HTR4: variants seen among roughly 807,000 people sequenced by gnomAD.
HTR4 encodes the protein 5-hydroxytryptamine receptor 4, also known as 5-hydroxytryptamine (serotonin) receptor 4, G protein-coupled.
Under a neutral mutation model 36.8 loss-of-function variants are expected in HTR4, and 16 were observed. The ratio of observed to expected loss-of-function variants is 0.43; its 90% CI spans 0.29 to 0.66. The LOEUF (loss-of-function observed/expected upper bound fraction) is 0.66. Among genes scored for constraint, HTR4 ranks in the 30% least tolerant of loss-of-function variants. The pLI is 0.13. For missense variants in HTR4, 438 were observed against 490.9 expected, an observed-to-expected ratio of 0.89 and a Z score of 1.02; for synonymous variants, 189 against 185.1, an observed-to-expected ratio of 1.02 and a Z score of -0.17.
chr5:148,601,974 G>T (rs1762012792), intron 2 of HTR4, among the ~76,000 whole-genome samples: 2 of 152,064 alleles, frequency 1.3e-5, no homozygotes, highest in South Asian at 4.1e-4. Flanking sequence ...TCAGAAGCTG[G>T]GGGTTGGAAA....
rs1759941570 is a variant in HTR4, at chr5:148,556,143, C to T, written c.27-5881G>A. On this transcript the variant is annotated intron_variant, in intron 2 of 6. Transcript: ENST00000377888. The stretch of plus-strand genomic sequence containing the variant: ...GGTTCAAGTGATTCTCCTGCCTCAG[C>T]CTCCCAAGTAGCTGGGATTACAGGC... 2.0e-5 allele frequency among the ~76,000 whole-genome samples: 3 copies of T among 152,212 alleles called. 1 individual carries two copies. In the South Asian group the frequency reaches 6.2e-4, roughly 32 times the overall value.
chr5:148,597,621 T>C (rs140057825), intron 2 of HTR4, among the ~76,000 whole-genome samples: 1 of 152,314 alleles, frequency 6.6e-6, no homozygotes, highest in Non-Finnish European at 1.5e-5. Flanking sequence ...TTTGCACTGC[T>C]CTTTTCACTG....
intron 5 of HTR4, among the ~76,000 whole-genome samples, chr5:148,457,744 A>ATCATTAAAATATATTTTGGTATG (rs1561558356): frequency 1.4e-4 from 20 of 144,468 alleles, no homozygotes; most frequent in African/African-American, 5.1e-4. Context: ...ATTTTGGTAT[A>ATCATTAAAATATATTTTGGTATG]TCATTAAAAT....
At chr5:148,592,181 A>G (rs1357739770) in intron 2 of HTR4, among the ~76,000 whole-genome samples, 1 of 152,156 alleles carries the variant, frequency 6.6e-6, no homozygotes, top group Non-Finnish European at 1.5e-5. Flanking sequence ...GAGCTAAATG[A>G]TAACTACTTA....
At chr5:148,455,763 A>G (rs1216426265) in intron 5 of HTR4, among the ~76,000 whole-genome samples, 1 of 152,222 alleles carries the variant, frequency 6.6e-6, no homozygotes, top group East Asian at 1.9e-4. Flanking sequence ...TACTGATAAC[A>G]TAGTCAGTTA....
intron 2 of HTR4, among the ~76,000 whole-genome samples, chr5:148,628,206 A>C (rs1204355827): frequency 6.6e-6 from 1 of 152,274 alleles, no homozygotes; most frequent in Non-Finnish European, 1.5e-5. Context: ...AGAAATCTTT[A>C]GAAAAGCAAA....
intron 2 of HTR4, among the ~76,000 whole-genome samples, chr5:148,584,824 CT>C (rs1194813436): frequency 1.3e-5 from 2 of 152,272 alleles, no homozygotes; most frequent in East Asian, 3.9e-4. Context: ...CACATCTTCC[CT>C]TTTCTTCTCT....
At chr5:148,484,210 C>T (rs1414036779) in intron 6 of HTR4, 1 of 1,564,630 alleles carries the variant, frequency 6.4e-7, no homozygotes, top group Non-Finnish European at 8.7e-7. Flanking sequence ...TTTAGTTTTT[C>T]AGGCAAGGTA....
At chr5:148,604,401 A>C (rs1752057182) in intron 2 of HTR4, among the ~76,000 whole-genome samples, 2 of 152,202 alleles carry the variant, frequency 1.3e-5, no homozygotes, top group Non-Finnish European at 2.9e-5. Flanking sequence ...ATTTGCCAGG[A>C]TGGGGAGAAT....
intron 2 of HTR4, among the ~76,000 whole-genome samples, chr5:148,635,925 T>A (rs1753518452): frequency 1.3e-5 from 2 of 152,200 alleles, no homozygotes; most frequent in Admixed American, 6.6e-5. Context: ...GTGTAAAATG[T>A]TTTATTGCTA....
chr5:148,595,707 T>C (rs1270417737), intron 2 of HTR4, among the ~76,000 whole-genome samples: 1 of 152,208 alleles, frequency 6.6e-6, no homozygotes, highest in Non-Finnish European at 1.5e-5. Flanking sequence ...TTGTATTGAT[T>C]CCAAATATAA....
intron 4 of HTR4, among the ~76,000 whole-genome samples, chr5:148,547,691 G>C (rs565483921): frequency 6.6e-6 from 1 of 151,894 alleles, no homozygotes; most frequent in Non-Finnish European, 1.5e-5. Context: ...ACAGTAGCTC[G>C]AGACCAGCCT....
At chr5:148,558,794 T>C (rs1561618972) in intron 2 of HTR4, among the ~76,000 whole-genome samples, 1 of 152,174 alleles carries the variant, frequency 6.6e-6, no homozygotes, top group Non-Finnish European at 1.5e-5. Context: ...CTCTCCCTAT[T>C]GCCATAGCCT....
chr5:148,509,393 G>A (rs911179234), intron 6 of HTR4, 63 bp downstream of exon 6: 7 of 1,245,528 alleles, frequency 5.6e-6, no homozygotes, highest in Middle Eastern at 2.0e-4. Context: ...CAGAAAACTG[G>A]AGCATTACCC....
At position 148,550,227 on chromosome 5, in the gene HTR4, A is replaced by G. The variant is rs1411665431; in HGVS notation, c.62T>C (p.Val21Ala). 1 of 1,614,014 alleles carries G rather than the reference A, an allele frequency of 6.2e-7. No homozygotes were observed. Among genetic ancestry groups the G allele is most frequent in the Non-Finnish European group, 8.5e-7 (1 of 1,180,022 alleles). The part of the protein sequence containing the change: ...EEGFGSVEKV[V>A]LLTFLSTVIL... ...AACCGTCGAGAGAAACGTGAGCAGC[A>G]CCACCTTCTCCACTGACCCGAAACC... is the stretch of plus-strand genomic sequence containing the variant. Residue 21 changes from valine (V) to alanine (A), a missense_variant, in exon 3 of 7, where the codon GTG becomes GCG. Val to Ala is a moderately conservative substitution (Grantham distance 64). Transcript: ENST00000377888.
chr5:148,569,362 C>T (rs918927690), intron 2 of HTR4, among the ~76,000 whole-genome samples: 18 of 151,716 alleles, frequency 1.2e-4, no homozygotes, highest in African/African-American at 2.9e-4. Flanking sequence ...GTTTGGGGGA[C>T]GGGGAGAAGG....
At chr5:148,583,801 C>A (rs1018835691) in intron 2 of HTR4, among the ~76,000 whole-genome samples, 1 of 152,080 alleles carries the variant, frequency 6.6e-6, no homozygotes, top group Admixed American at 6.5e-5. Context: ...CCCTGGGAAG[C>A]TGCCTGGTCA....
At chr5:148,646,736 C>T (rs13163982) in intron 1 of HTR4, among the ~76,000 whole-genome samples, 30,168 of 152,082 alleles carry the variant, frequency 0.2, 3,508 homozygotes, top group East Asian at 0.4. Flanking sequence ...GACCAAGAAC[C>T]TAACCCTTCA....
At chr5:148,621,277 A>G (rs1399106261) in intron 2 of HTR4, among the ~76,000 whole-genome samples, 1 of 152,220 alleles carries the variant, frequency 6.6e-6, no homozygotes, top group Non-Finnish European at 1.5e-5. Context: ...CTGCCCACGC[A>G]TGACAGAGAG....
Sources: allele counts gnomAD v4.1 joint callset (sites outside exome capture counted in the v4.1 genomes callset), GRCh38; gene constraint gnomAD v4.1.1; transcripts MANE v1.5; gene names NCBI Gene and HGNC (gene_info 2026-07-23, HGNC 2026-07-21).